SYT1: variants seen among roughly 807,000 people sequenced by gnomAD.
The protein encoded by SYT1 is synaptotagmin-1.
A neutral mutation model predicts 44.8 loss-of-function variants in SYT1; 8 were observed. That is an observed-to-expected ratio of 0.18 (90% confidence interval 0.10 to 0.32). The LOEUF is 0.32. SYT1 is among the 10% of genes least tolerant of loss of function. The probability of loss-of-function intolerance (pLI) is 1.00; values close to 1 mark genes in which losing one functional copy is unlikely to be tolerated. For missense variants in SYT1, 286 were observed against 509.3 expected, an observed-to-expected ratio of 0.56 and a Z score of 4.22; for synonymous variants, 154 against 188.8, an observed-to-expected ratio of 0.82 and a Z score of 1.51.
chr12:79,441,089 A>G (rs1870384785), intron 9 of SYT1, among the ~76,000 whole-genome samples: 1 of 152,196 alleles, frequency 6.6e-6, no homozygotes, highest in Non-Finnish European at 1.5e-5. Context: ...CAGGTACATA[A>G]CATATAGTCT....
At chr12:78,956,822 G>A (rs1879242000) in intron 1 of SYT1, among the ~76,000 whole-genome samples, 1 of 151,994 alleles carries the variant, frequency 6.6e-6, no homozygotes, top group Non-Finnish European at 1.5e-5. Context: ...AAAGTTCCTG[G>A]GAATTTAAAT....
chr12:79,197,671 G>C (rs1272539603), intron 3 of SYT1, among the ~76,000 whole-genome samples: 1 of 152,052 alleles, frequency 6.6e-6, no homozygotes, highest in Non-Finnish European at 1.5e-5. Flanking sequence ...AATGATCAAA[G>C]CTGCTTAAAC....
chr12:79,201,055 T>C (rs1436968297), intron 3 of SYT1, among the ~76,000 whole-genome samples: 2 of 152,140 alleles, frequency 1.3e-5, no homozygotes, highest in Non-Finnish European at 2.9e-5. Flanking sequence ...CTGTTTCCAA[T>C]TCCCAGAGCT....
intron 3 of SYT1, among the ~76,000 whole-genome samples, chr12:79,125,587 C>A (rs1230792044): frequency 6.7e-6 from 1 of 150,002 alleles, no homozygotes; most frequent in Non-Finnish European, 1.5e-5. Flanking sequence ...ACCACTGCAC[C>A]CCAGCCTGGG....
intron 4 of SYT1, among the ~76,000 whole-genome samples, chr12:79,260,347 A>G (rs897043176): frequency 6.6e-6 from 1 of 152,182 alleles, no homozygotes; most frequent in African/African-American, 2.4e-5. Flanking sequence ...AGAGAACCAC[A>G]AATATCATCA....
chr12:79,255,105 A>G (rs939024322), intron 4 of SYT1, among the ~76,000 whole-genome samples: 5 of 152,222 alleles, frequency 3.3e-5, no homozygotes, highest in African/African-American at 1.2e-4. Flanking sequence ...ATGTTATCAA[A>G]CAGTATCACA....
intron 9 of SYT1, among the ~76,000 whole-genome samples, chr12:79,371,855 A>G (rs1883804827): frequency 6.6e-6 from 1 of 152,208 alleles, no homozygotes; most frequent in Admixed American, 6.5e-5. Flanking sequence ...CCAGAAAAAC[A>G]GGTGGAGGGG....
In SYT1 at chr12:79,071,696, A is replaced by T. The variant is rs530090700; in HGVS notation, c.-18+24334A>T. 4.6e-5 allele frequency among the ~76,000 whole-genome samples: 7 copies of T among 152,242 alleles called. No homozygotes were observed. The East Asian group carries it at 1.2e-3, about 25-fold the overall frequency. On this transcript the variant is annotated intron_variant, in intron 3 of 10. Coordinates refer to ENST00000261205, the MANE Select transcript of SYT1 (RefSeq NM_005639.3). ...CTTCCAGCTTCTGGTAGCCCCAGGC[A>T]CTTCTTAACTGTGGCAACATAACTC...
intron 2 of SYT1, among the ~76,000 whole-genome samples, chr12:78,997,220 T>G (rs1391473350): frequency 6.6e-6 from 1 of 152,224 alleles, no homozygotes; most frequent in Non-Finnish European, 1.5e-5. Context: ...GGAAAGCTGT[T>G]CTTAGAACAA....
chr12:78,961,056 T>A (rs1406054657), intron 1 of SYT1, among the ~76,000 whole-genome samples: 1 of 152,144 alleles, frequency 6.6e-6, no homozygotes, highest in African/African-American at 2.4e-5. Flanking sequence ...GCCCATTGAG[T>A]ATTTTTTTGT....
At chr12:79,185,135 A>AGTTATGCTCAGAAATT (rs1872734214) in intron 3 of SYT1, among the ~76,000 whole-genome samples, 1 of 152,064 alleles carries the variant, frequency 6.6e-6, no homozygotes, top group Admixed American at 6.6e-5. Flanking sequence ...AATTGACCTA[A>AGTTATGCTCAGAAATT]GACATTATTT....
chr12:79,340,881 C>T (rs1207188117), intron 8 of SYT1, among the ~76,000 whole-genome samples: 1 of 152,160 alleles, frequency 6.6e-6, no homozygotes, highest in Non-Finnish European at 1.5e-5. Flanking sequence ...TCACTTTTCC[C>T]TACTCTCCAC....
chr12:78,877,497 T>A (rs760010532), intron 1 of SYT1, among the ~76,000 whole-genome samples: 50 of 151,820 alleles, frequency 3.3e-4, no homozygotes, highest in Non-Finnish European at 7.1e-4. Context: ...CTAACATTTT[T>A]AACTGGCATC....
chr12:79,043,110 G>T (rs1176973574), intron 2 of SYT1, among the ~76,000 whole-genome samples: 12 of 151,106 alleles, frequency 7.9e-5, no homozygotes, highest in Admixed American at 4.0e-4. Context: ...CTGTTGATTT[G>T]GGGTGGAGGG....
chr12:79,184,071 T>C (rs1467199967), intron 3 of SYT1, among the ~76,000 whole-genome samples: 2 of 152,026 alleles, frequency 1.3e-5, no homozygotes, highest in Non-Finnish European at 2.9e-5. Flanking sequence ...TGGATCAGTA[T>C]TTTTCCCATT....
chr12:79,159,747 A>G (rs1281759977), intron 3 of SYT1, among the ~76,000 whole-genome samples: 1 of 152,146 alleles, frequency 6.6e-6, no homozygotes, highest in Admixed American at 6.6e-5. Flanking sequence ...TGTTTCATCA[A>G]ATCTAAGGCA....
intron 2 of SYT1, among the ~76,000 whole-genome samples, chr12:78,986,130 G>T (rs17046162): frequency 0.088 from 13,436 of 151,970 alleles, 763 homozygotes; most frequent in African/African-American, 0.15. Flanking sequence ...ACATTCAAAC[G>T]GAAAATCTAA....
intron 1 of SYT1, among the ~76,000 whole-genome samples, chr12:78,888,683 CT>C (rs1361710208): frequency 6.6e-6 from 1 of 151,862 alleles, no homozygotes; most frequent in Non-Finnish European, 1.5e-5. Flanking sequence ...CTCCTCTTTA[CT>C]TTTTATAGTT....
chr12:79,060,846 C>A (rs140372557), intron 3 of SYT1, among the ~76,000 whole-genome samples: 1 of 151,824 alleles, frequency 6.6e-6, no homozygotes, highest in East Asian at 1.9e-4. Context: ...ATCATAAGCC[C>A]TAAAATTAAT....
Sources: allele counts gnomAD v4.1 joint callset (sites outside exome capture counted in the v4.1 genomes callset), GRCh38; gene constraint gnomAD v4.1.1; transcripts MANE v1.5; gene names NCBI Gene and HGNC (gene_info 2026-07-23, HGNC 2026-07-21).